OR4F5: variants seen among roughly 807,000 people sequenced by gnomAD.
OR4F5 encodes olfactory receptor family 4 subfamily F member 5, also known as olfactory receptor 4F5.
A neutral mutation model predicts 5.8 loss-of-function variants in OR4F5; 1 was observed. The observed-to-expected ratio is 0.17, with a 90% CI of 0.06 to 0.82. OR4F5 has a LOEUF of 0.82. OR4F5 is among the 40% of genes least tolerant of loss of function. The pLI, the probability that OR4F5 is intolerant of heterozygous loss-of-function variation, is 0.72. For synonymous variants in OR4F5, 18 were observed against 63.7 expected, an observed-to-expected ratio of 0.28 and a Z score of 3.42; for missense variants, 47 against 175.5, an observed-to-expected ratio of 0.27 and a Z score of 4.14.
At chr1:66,355 A>T (rs1268915507) in intron 2 of OR4F5, among the ~76,000 whole-genome samples, 2,000 of 45,710 alleles carry the variant, frequency 0.044, 143 homozygotes, top group Non-Finnish European at 0.091. Context: ...AATATAATAT[A>T]TATTATATAA....
At chr1:66,575 T>A (rs1254196455) in intron 2 of OR4F5, among the ~76,000 whole-genome samples, 1 of 32,894 alleles carries the variant, frequency 3.0e-5, no homozygotes, top group African/African-American at 6.8e-5. Flanking sequence ...AAAATATGTA[T>A]AATATATATT....
chr1:67,115 C>T (rs562760247), intron 2 of OR4F5, among the ~76,000 whole-genome samples: 1 of 113,202 alleles, frequency 8.8e-6, no homozygotes, highest in Admixed American at 9.0e-5. Context: ...AAATTGCACA[C>T]TTTGATTCAA....
intron 2 of OR4F5, among the ~76,000 whole-genome samples, chr1:66,144 T>C (rs1639932922): frequency 9.5e-6 from 1 of 105,668 alleles, no homozygotes; most frequent in African/African-American, 3.0e-5. Context: ...AGACTTACTA[T>C]AAGGACATAA....
At position 67,353 on chromosome 1, in the gene OR4F5, A is replaced by G. The variant is rs879694765; in HGVS notation, c.10-1684A>G. On this transcript the variant is annotated intron_variant, in intron 2 of 2. Transcript: ENST00000641515. ...TTAAAAACAGTAATGTGCTGCTTTG[A>G]GTGTGTAGGACTAAGAAATGGGATT... 6.9e-3 allele frequency among the ~76,000 whole-genome samples: 720 copies of G among 104,014 alleles called. 143 individuals carry two copies. The highest frequency in any genetic ancestry group is 0.02 in the South Asian group (66 of 3,348). The allele number at this position is 104,014 out of a possible 152,430, so 68.2% of individuals were successfully genotyped here.
chr1:66,890 G>A (rs1001680429), intron 2 of OR4F5, among the ~76,000 whole-genome samples: 5 of 106,438 alleles, frequency 4.7e-5, no homozygotes, highest in African/African-American at 1.1e-4. Flanking sequence ...GGAGAGAGAT[G>A]TCTTAACTAC....
In OR4F5 at chr1:70,261, T is replaced by C. The variant is rs1375442118; in HGVS notation, c.*253T>C. On this transcript the variant is annotated 3_prime_UTR_variant, in exon 3 of 3. Coordinates refer to ENST00000641515, the MANE Select transcript of OR4F5 (RefSeq NM_001005484.2). ...TTCTTAGAACAAAGAAAGGCATAAATATATTAGTATTTGTGTACACCTGTT... is the reference window on the plus strand; with the variant it reads ...TTCTTAGAACAAAGAAAGGCATAAACATATTAGTATTTGTGTACACCTGTT... 1 of 328,996 alleles carries C rather than the reference T, an allele frequency of 3.0e-6. No homozygotes were observed. Among genetic ancestry groups the C allele is most frequent in the Non-Finnish European group, 6.2e-6 (1 of 160,914 alleles). 20.4% of individuals were successfully genotyped at this position (328,996 alleles called of 1,614,324 possible). A position where few individuals can be genotyped will look rare whatever the true frequency, so the allele number is the denominator to read the frequency against.
At chr1:66,447 AAT>A (rs1432878132) in intron 2 of OR4F5, among the ~76,000 whole-genome samples, 109 of 79,640 alleles carry the variant, frequency 1.4e-3, no homozygotes, top group African/African-American at 4.7e-3. Flanking sequence ...TATATTATAT[AAT>A]ATATATTTTA....
At chr1:68,254 T>A (rs1639965439) in intron 2 of OR4F5, among the ~76,000 whole-genome samples, 1 of 105,752 alleles carries the variant, frequency 9.5e-6, no homozygotes, top group African/African-American at 2.8e-5. Context: ...CTCGATGGGA[T>A]CTTACAGGTC....
At chr1:66,463 T>C in intron 2 of OR4F5, among the ~76,000 whole-genome samples, 1 of 78,146 alleles carries the variant, frequency 1.3e-5, no homozygotes, top group African/African-American at 4.2e-5. Flanking sequence ...TATTTTATTA[T>C]ATAATATATA....
chr1:66,794 A>AT (rs1157147106), intron 2 of OR4F5, among the ~76,000 whole-genome samples: 5 of 110,314 alleles, frequency 4.5e-5, no homozygotes, highest in East Asian at 2.0e-4. Flanking sequence ...AATTCTTCTA[A>AT]TTTTTTTTGA....
intron 2 of OR4F5, among the ~76,000 whole-genome samples, chr1:66,246 TA>T (rs1230636072): frequency 7.2e-5 from 2 of 27,754 alleles, no homozygotes; most frequent in African/African-American, 1.5e-4. Flanking sequence ...TATATTATAT[TA>T]TATAATATAT....
chr1:66,438 A>T (rs1311305267), intron 2 of OR4F5, among the ~76,000 whole-genome samples: 7 of 59,254 alleles, frequency 1.2e-4, no homozygotes, highest in African/African-American at 1.5e-4. Flanking sequence ...AATATATATT[A>T]TATTATATAA....
chr1:66,214 A>T lies in OR4F5; in HGVS notation c.9+641A>T, dbSNP rs1159546535. Among the ~76,000 whole-genome samples, 16 of 68,290 alleles carry T rather than the reference A, an allele frequency of 2.3e-4. 1 individual carries two copies. Among genetic ancestry groups the T allele is most frequent in the East Asian group, 1.2e-3 (5 of 4,116 alleles). 44.8% of individuals were successfully genotyped at this position (68,290 alleles called of 152,430 possible). On this transcript the variant is annotated intron_variant, in intron 2 of 2. Coordinates refer to ENST00000641515, the MANE Select transcript of OR4F5 (RefSeq NM_001005484.2). ...TATTTATATATATTACATATTATAT[A>T]TATAATATATATTATATAATATATA...
chr1:66,810 T>A (rs1414631529), intron 2 of OR4F5, among the ~76,000 whole-genome samples: 1 of 108,968 alleles, frequency 9.2e-6, no homozygotes, highest in African/African-American at 2.7e-5. Context: ...TTTGAATAAT[T>A]TTTAAAAAGT....
chr1:66,319 TA>T (rs1475004914), intron 2 of OR4F5, among the ~76,000 whole-genome samples: 14 of 36,744 alleles, frequency 3.8e-4, no homozygotes, highest in African/African-American at 6.9e-4. Flanking sequence ...ATAAATTATA[TA>T]AATATAATAT....
At chr1:66,393 T>TATATATTATATAATATAATATA (rs1639943409) in intron 2 of OR4F5, among the ~76,000 whole-genome samples, 1 of 75,208 alleles carries the variant, frequency 1.3e-5, no homozygotes, top group African/African-American at 4.5e-5. Flanking sequence ...TATAATATAA[T>TATATATTATATAATATAATATA]ATATATTATA....
At chr1:66,337 T>A (rs1639940149) in intron 2 of OR4F5, among the ~76,000 whole-genome samples, 1 of 44,924 alleles carries the variant, frequency 2.2e-5, no homozygotes, top group African/African-American at 6.2e-5. Context: ...ATATATATTT[T>A]ATTATATAAT....
rs539483321 is a variant in OR4F5 at position 69,541 on chromosome 1, A to G, written c.514A>G (p.Ser172Gly). Residue 172 changes from serine to glycine, a missense_variant, in exon 3 of 3, where the codon AGC becomes GGC. Physicochemically the swap from Ser to Gly is moderately conservative, Grantham distance 56. Transcript: ENST00000641515. Reference sequence around the variant, plus strand: ...GGGAATTGGCTTTCTCCATTCGGTGAGCCAGTTGGCGTTTGCCGTGCACTT... The same window carrying G: ...GGGAATTGGCTTTCTCCATTCGGTGGGCCAGTTGGCGTTTGCCGTGCACTT... ...TWGIGFLHSV[S>G]QLAFAVHLLF... 12 of 1,016,248 alleles carry G rather than the reference A, an allele frequency of 1.2e-5. 3 individuals are homozygous for G. In the East Asian group the frequency reaches 1.2e-4, roughly 10 times the overall value. The allele number at this position is 1,016,248 out of a possible 1,614,324, so 63.0% of individuals were successfully genotyped here.
At chr1:66,074 A>C (rs1453300010) in intron 2 of OR4F5, among the ~76,000 whole-genome samples, 4 of 117,574 alleles carry the variant, frequency 3.4e-5, no homozygotes, top group Admixed American at 9.7e-5. Context: ...TTTAAATGAT[A>C]TTCCCATGAT....
Sources: allele counts gnomAD v4.1 joint callset (sites outside exome capture counted in the v4.1 genomes callset), GRCh38; gene constraint gnomAD v4.1.1; transcripts MANE v1.5; gene names NCBI Gene and HGNC (gene_info 2026-07-23, HGNC 2026-07-21).